ITGB3: variants seen among roughly 807,000 people sequenced by gnomAD.
ITGB3 encodes the protein integrin subunit beta 3.
Under a neutral mutation model 85.8 loss-of-function variants are expected in ITGB3, and 48 were observed. That is an observed-to-expected ratio of 0.56 (90% CI 0.44 to 0.71). The LOEUF is 0.71. ITGB3 is among the 30% of genes least tolerant of loss of function. The pLI is 0.00. For missense variants in ITGB3, 861 were observed against 1,019.1 expected (o/e 0.84, Z 2.11); for synonymous variants, 363 against 395.6 (o/e 0.92, Z 0.98).
intron 13 of ITGB3, 78 bp from the exon 14 acceptor site, chr17:47,307,393 A>G: frequency 6.5e-7 from 1 of 1,538,768 alleles, no homozygotes; most frequent in Non-Finnish European, 9.0e-7. Context: ...TACTTTGTCA[A>G]GAACACCTTT....
In ITGB3 at chr17:47,253,839, G is replaced by C; in HGVS notation, c.-23G>C. 3.3e-6 allele frequency: 4 copies of C among 1,199,760 alleles called. No homozygotes were observed. The South Asian group carries it at 1.2e-4, about 37-fold the overall frequency. 74.3% of individuals were successfully genotyped at this position (1,199,760 alleles called of 1,614,324 possible). ...GGCGGCGCCCACTGTGGGGCGGGCG[G>C]AGCGCCGCGGGAGGCGGACGAGATG... On this transcript the variant is annotated 5_prime_UTR_variant, in exon 1 of 15. Coordinates refer to ENST00000559488, the MANE Select transcript of ITGB3 (RefSeq NM_000212.3).
Position 47,253,887 on chromosome 17 carries a change from C to A in ITGB3, c.26C>A (p.Pro9Gln). ...ATGCGAGCGCGGCCGCGGCCCCGGC[C>A]GCTCTGGGCGACTGTGCTGGCGCTG... is the stretch of plus-strand genomic sequence containing the variant. MRARPRPR[P>Q]LWATVLALGA... Residue 9 changes from proline (P) to glutamine (Q), a missense_variant, in exon 1 of 15, where the codon CCG becomes CAG. Pro to Gln is a moderately conservative substitution (Grantham distance 76). Transcript: ENST00000559488. 7.7e-7 allele frequency: 1 copy of A among 1,290,356 alleles called. No individual in the cohort carries two copies. The allele number at this position is 1,290,356 out of a possible 1,614,324, so 79.9% of individuals were successfully genotyped here.
intron 1 of ITGB3, among the ~76,000 whole-genome samples, chr17:47,254,246 GC>G (rs1228107909): frequency 6.6e-6 from 1 of 152,036 alleles, no homozygotes; most frequent in South Asian, 2.1e-4. Flanking sequence ...TGAGCCCCGC[GC>G]TCACCCGGGG....
At chr17:47,303,726 C>G (rs2065176152) in intron 13 of ITGB3, 1 of 152,242 alleles carries the variant, frequency 6.6e-6, no homozygotes, top group Admixed American at 6.5e-5. Context: ...AGGTTTGTCA[C>G]CAACCAATGC....
intron 1 of ITGB3, among the ~76,000 whole-genome samples, chr17:47,264,787 C>G (rs1014997159): frequency 6.6e-6 from 1 of 152,210 alleles, no homozygotes; most frequent in Non-Finnish European, 1.5e-5. Flanking sequence ...TCTTTAACAT[C>G]ATTTTGAAAT....
intron 10 of ITGB3, among the ~76,000 whole-genome samples, chr17:47,296,063 C>T (rs970069444): frequency 3.3e-5 from 5 of 152,208 alleles, no homozygotes; most frequent in Non-Finnish European, 5.9e-5. Flanking sequence ...TGTCCTGTTT[C>T]CCTCCCTCCT....
intron 1 of ITGB3, among the ~76,000 whole-genome samples, chr17:47,266,674 T>C (rs1164398477): frequency 6.6e-6 from 1 of 152,106 alleles, no homozygotes; most frequent in Non-Finnish European, 1.5e-5. Flanking sequence ...ACCTCCCAGG[T>C]CCAGCTGATT....
intron 9 of ITGB3, 86 bp from the exon 10 acceptor site, chr17:47,292,053 G>A (rs367641973): frequency 7.1e-7 from 1 of 1,404,742 alleles, no homozygotes; most frequent in East Asian, 2.3e-5. Flanking sequence ...TCCTTGGCAG[G>A]GCAGGGAACA....
Position 47,312,058 on chromosome 17 carries a change from G to C in ITGB3, c.*1854G>C, listed in dbSNP as rs1272892762. On this transcript the variant is annotated 3_prime_UTR_variant, in exon 15 of 15. Transcript: ENST00000559488. Reference sequence around the variant, plus strand: ...GTGTTTTTAGTTGGGAGATCTGAGAGACCTGGCTTTGGCAAGAGCAGATGT... The same window carrying C: ...GTGTTTTTAGTTGGGAGATCTGAGACACCTGGCTTTGGCAAGAGCAGATGT... Among the ~76,000 whole-genome samples, 1 of 152,220 alleles carries C rather than the reference G, an allele frequency of 6.6e-6. No individual in the cohort carries two copies. Among genetic ancestry groups the C allele is most frequent in the Non-Finnish European group, 1.5e-5 (1 of 68,042 alleles).
intron 4 of ITGB3, among the ~76,000 whole-genome samples, chr17:47,285,483 C>T (rs762893499): frequency 1.3e-5 from 2 of 152,010 alleles, no homozygotes; most frequent in South Asian, 2.1e-4. Context: ...TGTGTGATGG[C>T]GCATGCCTGC....
At chr17:47,303,074 C>T (rs562347766) in intron 13 of ITGB3, among the ~76,000 whole-genome samples, 5 of 152,142 alleles carry the variant, frequency 3.3e-5, no homozygotes, top group Non-Finnish European at 7.4e-5. Context: ...ATGGTGAAAC[C>T]CTGTCTCTAC....
At chr17:47,269,979 C>T (rs2065038682) in intron 1 of ITGB3, among the ~76,000 whole-genome samples, 1 of 152,218 alleles carries the variant, frequency 6.6e-6, no homozygotes, top group African/African-American at 2.4e-5. Context: ...GGGAAGCAAA[C>T]ACATCCTTCT....
intron 1 of ITGB3, among the ~76,000 whole-genome samples, chr17:47,272,886 G>A (rs571250411): frequency 3.7e-4 from 56 of 151,994 alleles, no homozygotes; most frequent in Non-Finnish European, 5.9e-4. Flanking sequence ...TGATTCTCCT[G>A]CCTCAGCCTC....
intron 1 of ITGB3, among the ~76,000 whole-genome samples, chr17:47,262,241 A>G (rs1027170397): frequency 3.3e-5 from 5 of 152,224 alleles, no homozygotes; most frequent in African/African-American, 1.2e-4. Context: ...CCACACCCAT[A>G]ACACATGAGC....
In ITGB3 at chr17:47,310,784, T is replaced by C. The variant is rs1222670439; in HGVS notation, c.*580T>C. On this transcript the variant is annotated 3_prime_UTR_variant, in exon 15 of 15. Transcript: ENST00000559488. ...GGCCGAAGGAGGAGTCAGGGAGAGC[T>C]GAACTATTAGAGCTGCCTGTGCCTT... The C allele has an allele frequency of 7.0e-5, 13 of 185,990 alleles. No individual in the cohort carries two copies. The highest frequency in any genetic ancestry group is 1.1e-4 in the Admixed American group (2 of 18,892). 11.5% of individuals were successfully genotyped at this position (185,990 alleles called of 1,614,324 possible).
At chr17:47,286,149 A>T in intron 4 of ITGB3, 111 bp from the exon 5 acceptor site, 1 of 1,221,876 alleles carries the variant, frequency 8.2e-7, no homozygotes, top group South Asian at 1.2e-5. Context: ...GGTTGTATGG[A>T]ACTGGCCTTG....
chr17:47,279,191 G>T (rs1598687289), intron 2 of ITGB3, among the ~76,000 whole-genome samples: 1 of 152,140 alleles, frequency 6.6e-6, no homozygotes, highest in South Asian at 2.1e-4. Context: ...AGCTCGCAGG[G>T]CGCTGGCTGG....
chr17:47,278,367 G>A (rs1371162637), intron 2 of ITGB3, among the ~76,000 whole-genome samples: 25 of 152,174 alleles, frequency 1.6e-4, no homozygotes, highest in Non-Finnish European at 1.8e-4. Context: ...GATCACTTGA[G>A]GTCAGGAGTT....
chr17:47,296,578 A>G (rs902398870), intron 10 of ITGB3, among the ~76,000 whole-genome samples: 2 of 152,198 alleles, frequency 1.3e-5, no homozygotes, highest in Non-Finnish European at 2.9e-5. Context: ...AAGTTGACTC[A>G]TACTTTAAAA....
Sources: gnomAD v4.1 joint callset for allele counts (sites outside exome capture counted in the v4.1 genomes callset) on GRCh38, gnomAD v4.1.1 for gene constraint, MANE v1.5 for transcripts, NCBI Gene and HGNC (gene_info 2026-07-23, HGNC 2026-07-21) for gene names.